GCFC2: variants seen among roughly 807,000 people sequenced by gnomAD.
GCFC2 encodes GC-rich sequence DNA-binding factor 2.
In GCFC2, 102 loss-of-function variants were observed where a neutral mutation model predicts 99.4. The observed-to-expected ratio is 1.03, with a 90% CI of 0.87 to 1.21. The LOEUF is 1.21. Among genes scored for constraint, GCFC2 ranks in the 50% most tolerant of loss-of-function variants. The probability of loss-of-function intolerance (pLI) is 0.00; values close to 1 mark genes in which losing one functional copy is unlikely to be tolerated. For synonymous variants in GCFC2, 338 were observed against 316.8 expected (o/e 1.07, Z -0.71); for missense variants, 973 against 920.9 (o/e 1.06, Z -0.73).
At position 75,702,205 on chromosome 2, in the gene GCFC2, C is replaced by A. The variant is rs778967664; in HGVS notation, c.613G>T (p.Glu205Ter). Residue 205 changes from glutamate (E) to a stop codon, truncating the protein, a stop_gained, in exon 3 of 17, where the codon GAA becomes TAA. Coordinates refer to ENST00000321027, the MANE Select transcript of GCFC2 (RefSeq NM_003203.5). LOFTEE classifies it high-confidence loss of function. ...PQTLRQRMAE[E>*]SISRNEETSE... The stretch of plus-strand genomic sequence containing the variant: ...TATATTGGTAAATCCATACTTGATT[C>A]CTCAGCCATCCTTTGTCTAAGTGTT... 5 of 1,603,470 alleles carry A rather than the reference C, an allele frequency of 3.1e-6. No individual in the cohort carries two copies. Among genetic ancestry groups the A allele is most frequent in the Non-Finnish European group, 4.3e-6 (5 of 1,170,798 alleles).
At chr2:75,704,253 T>C (rs1294096883) in intron 2 of GCFC2, among the ~76,000 whole-genome samples, 2 of 152,210 alleles carry the variant, frequency 1.3e-5, no homozygotes, top group East Asian at 3.8e-4. Context: ...AGGTAAATTA[T>C]CATCTTCTAT....
chr2:75,675,272 C>G lies in GCFC2; in HGVS notation c.1813-1752G>C, dbSNP rs1401694035. ...AAATATGCACCCTGTTCTCAGTACT[C>G]AGGAGAAAACATATTGTATGTATAT... On this transcript the variant is annotated intron_variant, in intron 12 of 16. Coordinates refer to ENST00000321027, the MANE Select transcript of GCFC2 (RefSeq NM_003203.5). 5.3e-5 allele frequency among the ~76,000 whole-genome samples: 8 copies of G among 152,158 alleles called. No individual in the cohort carries two copies. The East Asian group carries it at 1.5e-3, about 29-fold the overall frequency.
At chr2:75,709,193 C>G (rs1229352804) in intron 1 of GCFC2, among the ~76,000 whole-genome samples, 2 of 152,086 alleles carry the variant, frequency 1.3e-5, no homozygotes, top group East Asian at 3.8e-4. Context: ...GTATAACCTA[C>G]TGAAACAAAA....
At position 75,691,961 on chromosome 2, in the gene GCFC2, C is replaced by A; in HGVS notation, c.1144+16G>T. 1 of 1,387,498 alleles carries A rather than the reference C, an allele frequency of 7.2e-7. No individual in the cohort carries two copies. The highest frequency in any genetic ancestry group is 9.7e-7 in the Non-Finnish European group (1 of 1,034,572). 85.9% of individuals were successfully genotyped at this position (1,387,498 alleles called of 1,614,324 possible). A position where few individuals can be genotyped will look rare whatever the true frequency, so the allele number is the denominator to read the frequency against. ...TTAATGAATAATAAATTGTATGGAA[C>A]ACGAAAAACACTAACGTGATAACTG... On this transcript the variant is annotated intron_variant, in intron 7 of 16. Coordinates refer to ENST00000321027, the MANE Select transcript of GCFC2 (RefSeq NM_003203.5).
rs1680635932 is a variant in GCFC2, at chr2:75,702,301, C to T, written c.517G>A (p.Glu173Lys). 1 of 1,613,476 alleles carries T rather than the reference C, an allele frequency of 6.2e-7. No individual in the cohort carries two copies. The highest frequency in any genetic ancestry group is 8.5e-7 in the Non-Finnish European group (1 of 1,179,490). ...TCACTCTCAGGGTCATCTTCGCTCT[C>T]TCTCTTCATACCAGAGATGGAGGAG... ...HTSSISGMKR[E>K]SEDDPESEPD... Residue 173 changes from glutamate to lysine, a missense_variant, in exon 3 of 17, where the codon GAG (glutamate) becomes AAG (lysine). Glu to Lys is a moderately conservative substitution (Grantham distance 56). Transcript: ENST00000321027.
chr2:75,697,808 C>G (rs761371429), intron 4 of GCFC2: 2 of 152,678 alleles, frequency 1.3e-5, no homozygotes, highest in East Asian at 1.9e-4. Context: ...AGAGAAGAAG[C>G]AGATGTGAAG....
chr2:75,674,222 A>G (rs1041455530), intron 12 of GCFC2, among the ~76,000 whole-genome samples: 2 of 152,126 alleles, frequency 1.3e-5, no homozygotes, highest in Non-Finnish European at 2.9e-5. Context: ...TCTTTTTATT[A>G]CTGATTTGTA....
intron 12 of GCFC2, among the ~76,000 whole-genome samples, chr2:75,676,045 T>C (rs1422825173): frequency 6.6e-6 from 1 of 151,954 alleles, no homozygotes; most frequent in Non-Finnish European, 1.5e-5. Flanking sequence ...ATGTTGGGGA[T>C]GGTTGGGGAA....
intron 13 of GCFC2, 115 bp downstream of exon 13, chr2:75,673,327 AAC>A (rs754101792): frequency 1.0e-4 from 68 of 654,882 alleles, no homozygotes; most frequent in Non-Finnish European, 2.5e-5. Flanking sequence ...AAAAAAAAGA[AAC>A]ACAAAAAACA....
chr2:75,673,121 T>C (rs947701848), intron 13 of GCFC2, among the ~76,000 whole-genome samples: 5 of 151,856 alleles, frequency 3.3e-5, no homozygotes, highest in Admixed American at 6.5e-5. Flanking sequence ...CCATCCTGGC[T>C]AACATGGTGA....
chr2:75,666,645 A>C (rs1225514117), intron 15 of GCFC2, among the ~76,000 whole-genome samples: 3 of 152,106 alleles, frequency 2.0e-5, no homozygotes, highest in Non-Finnish European at 4.4e-5. Flanking sequence ...TTGTCATCCT[A>C]AGAGTAATAC....
chr2:75,701,445 T>C (rs570670793), intron 3 of GCFC2, 158 bp from the exon 4 acceptor site: 3 of 596,266 alleles, frequency 5.0e-6, no homozygotes, highest in East Asian at 2.8e-5. Context: ...ACTGCCCTCA[T>C]TTCACAAATG....
rs1372001622 is a variant in GCFC2 at position 75,663,380 on chromosome 2, T to G, written c.*1286A>C. 2 of 152,242 alleles carry G rather than the reference T, an allele frequency of 1.3e-5. No individual in the cohort carries two copies. Among genetic ancestry groups the G allele is most frequent in the African/African-American group, 2.4e-5 (1 of 41,472 alleles). 9.4% of individuals were successfully genotyped at this position (152,242 alleles called of 1,614,324 possible). On this transcript the variant is annotated 3_prime_UTR_variant, in exon 17 of 17. Transcript: ENST00000321027. ...AAACTAACATTTTTGGAAAATTTTCTTAATTTCTTTTGATTAAATTATCTT... is the reference window on the plus strand; with the variant it reads ...AAACTAACATTTTTGGAAAATTTTCGTAATTTCTTTTGATTAAATTATCTT...
At chr2:75,691,511 C>G (rs1454443589) in intron 7 of GCFC2, among the ~76,000 whole-genome samples, 1 of 152,032 alleles carries the variant, frequency 6.6e-6, no homozygotes, top group Non-Finnish European at 1.5e-5. Flanking sequence ...TGGTCTTTCA[C>G]TATCTCCTGA....
chr2:75,674,150 G>A lies in GCFC2; in HGVS notation c.1813-630C>T, dbSNP rs567758659. ...ATTCCTATTTGCCACTTGGCAAGCC[G>A]TTTTGCAAAGTACCTAATTAAGCTG... On this transcript the variant is annotated intron_variant, in intron 12 of 16. Coordinates refer to ENST00000321027, the MANE Select transcript of GCFC2 (RefSeq NM_003203.5). 5.3e-5 allele frequency among the ~76,000 whole-genome samples: 8 copies of A among 152,244 alleles called. No homozygotes were observed. In the South Asian group the frequency reaches 6.2e-4, roughly 12 times the overall value.
intron 11 of GCFC2, among the ~76,000 whole-genome samples, chr2:75,686,078 G>A (rs964972120): frequency 3.9e-5 from 6 of 152,098 alleles, no homozygotes; most frequent in Non-Finnish European, 7.4e-5. Context: ...TTCTCACAAA[G>A]CTACTTATTT....
chr2:75,687,751 G>A, intron 11 of GCFC2, 76 bp downstream of exon 11: 1 of 1,125,664 alleles, frequency 8.9e-7, no homozygotes, highest in Non-Finnish European at 1.3e-6. Context: ...AAAACTTTGT[G>A]AATATAACAG....
At chr2:75,678,399 AAC>A (rs1679438841) in intron 12 of GCFC2, among the ~76,000 whole-genome samples, 1 of 152,192 alleles carries the variant, frequency 6.6e-6, no homozygotes, top group Non-Finnish European at 1.5e-5. Flanking sequence ...TAATTCCTGC[AAC>A]AGTTTCCATC....
chr2:75,687,083 T>TG (rs1447518490), intron 11 of GCFC2, among the ~76,000 whole-genome samples: 1 of 152,052 alleles, frequency 6.6e-6, no homozygotes, highest in Non-Finnish European at 1.5e-5. Context: ...TACAGGTGCC[T>TG]GCTACCACAC....
Sources: allele counts gnomAD v4.1 joint callset (sites outside exome capture counted in the v4.1 genomes callset), GRCh38; gene constraint gnomAD v4.1.1; transcripts MANE v1.5; gene names NCBI Gene and HGNC (gene_info 2026-07-23, HGNC 2026-07-21).